GRM7: variants seen among roughly 807,000 people sequenced by gnomAD.
GRM7 encodes the protein metabotropic glutamate receptor 7.
GRM7 carries 35 observed loss-of-function variants against 84.5 expected under a neutral mutation model. The observed-to-expected ratio is 0.41, with a 90% CI of 0.32 to 0.55. The LOEUF (loss-of-function observed/expected upper bound fraction) is 0.55, where lower values mean the gene tolerates loss of function less well. GRM7 is among the 20% of genes least tolerant of loss of function. The pLI, the probability that GRM7 is intolerant of heterozygous loss-of-function variation, is 0.19. For synonymous variants in GRM7, 487 were observed against 455.1 expected (o/e 1.07, Z -0.89); for missense variants, 1,003 against 1,194.6 (o/e 0.84, Z 2.36).
chr3:7,736,270 CAGTT>C (rs138312738), intron 9 of GRM7, among the ~76,000 whole-genome samples: 1 of 152,174 alleles, frequency 6.6e-6, no homozygotes, highest in Non-Finnish European at 1.5e-5. Flanking sequence ...AATCTTTTGT[CAGTT>C]AAATACATGA....
intron 5 of GRM7, among the ~76,000 whole-genome samples, chr3:7,432,409 C>T (rs1696866944): frequency 6.6e-6 from 1 of 152,186 alleles, no homozygotes; most frequent in East Asian, 1.9e-4. Flanking sequence ...CAACCTCTGC[C>T]TCCTGGGTTC....
chr3:7,331,692 C>T (rs543760447), intron 4 of GRM7, among the ~76,000 whole-genome samples: 1 of 152,196 alleles, frequency 6.6e-6, no homozygotes, highest in South Asian at 2.1e-4. Flanking sequence ...AGCACAGTAT[C>T]TCATGTGTTG....
At chr3:7,009,242 G>T (rs1695289261) in intron 1 of GRM7, among the ~76,000 whole-genome samples, 1 of 152,126 alleles carries the variant, frequency 6.6e-6, no homozygotes, top group Non-Finnish European at 1.5e-5. Context: ...ATAAGAATAT[G>T]TGTATCACTG....
chr3:7,645,686 G>A (rs1037577424), intron 8 of GRM7, among the ~76,000 whole-genome samples: 3 of 152,070 alleles, frequency 2.0e-5, no homozygotes, highest in African/African-American at 7.2e-5. Context: ...GGCTCCTGGA[G>A]TGCAGTGTTG....
intron 1 of GRM7, among the ~76,000 whole-genome samples, chr3:7,118,374 C>T (rs952793004): frequency 6.6e-6 from 1 of 151,494 alleles, no homozygotes; most frequent in Non-Finnish European, 1.5e-5. Flanking sequence ...TGGGCAACAG[C>T]ATGAGACCCA....
chr3:7,008,941 G>A lies in GRM7; in HGVS notation c.520-137511G>A, dbSNP rs528499583. Among the ~76,000 whole-genome samples the A allele has an allele frequency of 1.9e-3, 294 of 152,220 alleles. 3 individuals carry two copies. The highest frequency in any genetic ancestry group is 0.017 in the Middle Eastern group (5 of 294). ...AATCTGGAAAATGGCAGGTGATAAT[G>A]ACTATCTCATAAAATGTATGTGAGG... On this transcript the variant is annotated intron_variant, in intron 1 of 9. Coordinates refer to ENST00000357716, the MANE Select transcript of GRM7 (RefSeq NM_000844.4).
chr3:7,131,190 C>T (rs1028295893), intron 1 of GRM7, among the ~76,000 whole-genome samples: 1 of 152,166 alleles, frequency 6.6e-6, no homozygotes, highest in African/African-American at 2.4e-5. Flanking sequence ...AGAAGTGATT[C>T]TTATTACCAA....
intron 4 of GRM7, among the ~76,000 whole-genome samples, chr3:7,326,812 C>T (rs1399195686): frequency 1.4e-5 from 2 of 147,112 alleles, no homozygotes; most frequent in South Asian, 2.1e-4. Flanking sequence ...CCAGCCTGGG[C>T]AACACAGTGG....
At chr3:7,066,383 C>T (rs1221095036) in intron 1 of GRM7, among the ~76,000 whole-genome samples, 4 of 151,878 alleles carry the variant, frequency 2.6e-5, no homozygotes, top group Admixed American at 1.3e-4. Context: ...TCATTCAAGG[C>T]TAGTATGAAC....
chr3:7,060,095 A>ATT (rs1697382915), intron 1 of GRM7, among the ~76,000 whole-genome samples: 1 of 151,672 alleles, frequency 6.6e-6, no homozygotes, highest in African/African-American at 2.4e-5. Flanking sequence ...AGATAGACCG[A>ATT]TTTTTCTTTG....
intron 7 of GRM7, among the ~76,000 whole-genome samples, chr3:7,523,787 T>C (rs1382048607): frequency 6.6e-6 from 1 of 152,000 alleles, no homozygotes; most frequent in Non-Finnish European, 1.5e-5. Flanking sequence ...GATCGGGATA[T>C]AGTGGGGATT....
At chr3:7,136,959 C>G (rs1275462274) in intron 1 of GRM7, among the ~76,000 whole-genome samples, 1 of 152,110 alleles carries the variant, frequency 6.6e-6, no homozygotes, top group East Asian at 1.9e-4. Context: ...CATCAATTGA[C>G]CTTCCTCTAA....
chr3:7,408,163 G>A (rs1196535716), intron 4 of GRM7, among the ~76,000 whole-genome samples: 3 of 152,084 alleles, frequency 2.0e-5, no homozygotes, highest in Admixed American at 6.5e-5. Context: ...GCTTTTAGCC[G>A]TTAAACTATC....
At chr3:7,099,576 GCA>G (rs1559439442) in intron 1 of GRM7, among the ~76,000 whole-genome samples, 1 of 88,030 alleles carries the variant, frequency 1.1e-5, no homozygotes, top group African/African-American at 8.6e-5. Context: ...TTATACATGT[GCA>G]CATATATGTA....
chr3:7,308,512 G>A (rs916872182), intron 4 of GRM7, among the ~76,000 whole-genome samples: 7 of 152,264 alleles, frequency 4.6e-5, no homozygotes, highest in African/African-American at 1.2e-4. Flanking sequence ...TGGAGGAATC[G>A]CAGATCATAT....
intron 7 of GRM7, among the ~76,000 whole-genome samples, chr3:7,470,249 C>T (rs1005458222): frequency 2.0e-5 from 3 of 152,162 alleles, no homozygotes; most frequent in Non-Finnish European, 4.4e-5. Context: ...TATTGATAGT[C>T]TCTGGAAATT....
chr3:7,094,037 T>C (rs1393574595), intron 1 of GRM7, among the ~76,000 whole-genome samples: 1 of 152,290 alleles, frequency 6.6e-6, no homozygotes, highest in East Asian at 1.9e-4. Context: ...CTTTTACTGA[T>C]TTAACAACTA....
chr3:7,584,097 T>C (rs1226643568), intron 8 of GRM7, among the ~76,000 whole-genome samples: 1 of 152,154 alleles, frequency 6.6e-6, no homozygotes, highest in Non-Finnish European at 1.5e-5. Flanking sequence ...GGCATGACAA[T>C]GTAGTAAGAA....
intron 5 of GRM7, among the ~76,000 whole-genome samples, chr3:7,419,140 A>G (rs1450869426): frequency 6.6e-6 from 1 of 152,116 alleles, no homozygotes; most frequent in Non-Finnish European, 1.5e-5. Context: ...CAATCAGAAA[A>G]CAAGTACGTA....
Sources: allele counts gnomAD v4.1 joint callset (sites outside exome capture counted in the v4.1 genomes callset), GRCh38; gene constraint gnomAD v4.1.1; transcripts MANE v1.5; gene names NCBI Gene and HGNC (gene_info 2026-07-23, HGNC 2026-07-21).